Variants in TRIM25 observed in about 807,000 individuals in gnomAD.
TRIM25 encodes tripartite motif containing 25.
In TRIM25, 45 loss-of-function variants were observed where a neutral mutation model predicts 65.2. The observed-to-expected ratio is 0.69, with a 90% CI of 0.54 to 0.89. TRIM25 has a LOEUF of 0.89. TRIM25 is among the 40% of genes least tolerant of loss of function. TRIM25 has a pLI of 0.00. For missense variants in TRIM25, 714 were observed against 803.7 expected, an observed-to-expected ratio of 0.89 and a Z score of 1.35; for synonymous variants, 321 against 340.4, an observed-to-expected ratio of 0.94 and a Z score of 0.63.
chr17:56,894,650 A>G (rs1331570715), intron 8 of TRIM25, among the ~76,000 whole-genome samples: 1 of 152,218 alleles, frequency 6.6e-6, no homozygotes, highest in Non-Finnish European at 1.5e-5. Flanking sequence ...ATTTGGAGAG[A>G]TGTAAACGTG....
chr17:56,910,560 G>C (rs990778652), intron 1 of TRIM25, among the ~76,000 whole-genome samples: 1 of 152,134 alleles, frequency 6.6e-6, no homozygotes, highest in Non-Finnish European at 1.5e-5. Flanking sequence ...ACTACACCCT[G>C]AGCCCTATAT....
In TRIM25 at chr17:56,913,327, CG is replaced by C; in HGVS notation, c.597+64del. The C allele has an allele frequency of 2.1e-6, 3 of 1,434,658 alleles. No individual in the cohort carries two copies. Among genetic ancestry groups the C allele is most frequent in the Non-Finnish European group, 9.3e-7 (1 of 1,073,760 alleles). 88.9% of individuals were successfully genotyped at this position (1,434,658 alleles called of 1,614,324 possible). A position where few individuals can be genotyped will look rare whatever the true frequency, so the allele number is the denominator to read the frequency against. ...GTCCAGAGTGTGGCAGAGAGGCCCC[CG>C]GTGGCCCCTCTGCACCACCCATCAG... On this transcript the variant is annotated intron_variant, in intron 1 of 8. Transcript: ENST00000316881. This position sits in a 1 kb window ranked among gnomAD's most constrained non-coding sequence, Gnocchi z 6.1.
In TRIM25 at chr17:56,914,039, C is replaced by T. The variant is rs1272689728; in HGVS notation, c.-51G>A. ...CTGCTGCACCCGCGCTCCGAGGCCGCCGAGGAAACGAAACCTAGCTCGAGA... is the reference window on the plus strand; with the variant it reads ...CTGCTGCACCCGCGCTCCGAGGCCGTCGAGGAAACGAAACCTAGCTCGAGA... On this transcript the variant is annotated 5_prime_UTR_variant, in exon 1 of 9. Transcript: ENST00000316881. 4 of 1,411,250 alleles carry T rather than the reference C, an allele frequency of 2.8e-6. No individual in the cohort carries two copies. The highest frequency in any genetic ancestry group is 5.1e-5 in the Admixed American group (2 of 39,326). 87.4% of individuals were successfully genotyped at this position (1,411,250 alleles called of 1,614,324 possible).
Position 56,890,996 on chromosome 17 carries a change from G to C in TRIM25, c.*704C>G. On this transcript the variant is annotated 3_prime_UTR_variant, in exon 9 of 9. Transcript: ENST00000316881. The stretch of plus-strand genomic sequence containing the variant: ...ACCCTGAATCACAAATCCAACACAG[G>C]CTGATTCCAATCATGGTTTGAAGCT... 4.6e-6 allele frequency: 2 copies of C among 435,308 alleles called. No homozygotes were observed. Among genetic ancestry groups the C allele is most frequent in the Non-Finnish European group, 9.3e-6 (2 of 214,820 alleles). 27.0% of individuals were successfully genotyped at this position (435,308 alleles called of 1,614,324 possible).
rs1909665681 is a variant in TRIM25, at chr17:56,913,331, G to T, written c.597+61C>A. On this transcript the variant is annotated intron_variant, in intron 1 of 8. Coordinates refer to ENST00000316881, the MANE Select transcript of TRIM25 (RefSeq NM_005082.5). This position sits in a 1 kb window ranked among gnomAD's most constrained non-coding sequence, Gnocchi z 6.1. ...AGAGTGTGGCAGAGAGGCCCCCGGT[G>T]GCCCCTCTGCACCACCCATCAGGCC... The T allele has an allele frequency of 6.9e-7, 1 of 1,439,396 alleles. No homozygotes were observed. Among genetic ancestry groups the T allele is most frequent in the Non-Finnish European group, 9.3e-7 (1 of 1,078,396 alleles). 89.2% of individuals were successfully genotyped at this position (1,439,396 alleles called of 1,614,324 possible).
rs1382169547 is a variant in TRIM25, at chr17:56,888,632, C to G, written c.*3068G>C. The G allele has an allele frequency of 2.0e-5, 3 of 152,148 alleles. No homozygotes were observed. The highest frequency in any genetic ancestry group is 7.2e-5 in the African/African-American group (3 of 41,396). 9.4% of individuals were successfully genotyped at this position (152,148 alleles called of 1,614,324 possible). A position where few individuals can be genotyped will look rare whatever the true frequency, so the allele number is the denominator to read the frequency against. On this transcript the variant is annotated 3_prime_UTR_variant, in exon 9 of 9. Coordinates refer to ENST00000316881, the MANE Select transcript of TRIM25 (RefSeq NM_005082.5). Reference sequence around the variant, plus strand: ...TGTGTGGCTTACTCTTTGATCGATACTCTCCTGCTTTCCCCTAGCCCCCAC... The same window carrying G: ...TGTGTGGCTTACTCTTTGATCGATAGTCTCCTGCTTTCCCCTAGCCCCCAC...
At chr17:56,901,381 G>A (rs369796511) in intron 4 of TRIM25, 38 bp downstream of exon 4, 3 of 1,602,226 alleles carry the variant, frequency 1.9e-6, no homozygotes, top group Admixed American at 3.4e-5. Flanking sequence ...GGGTTGCAGG[G>A]TTCCACAGGG....
rs1412755223 is a variant in TRIM25, at chr17:56,889,507, G to A, written c.*2193C>T. 21 of 365,600 alleles carry A rather than the reference G, an allele frequency of 5.7e-5. No individual in the cohort carries two copies. Among genetic ancestry groups the A allele is most frequent in the Non-Finnish European group, 9.7e-5 (20 of 205,544 alleles). The allele number at this position is 365,600 out of a possible 1,614,324, so 22.6% of individuals were successfully genotyped here. ...CTAGGTTATGTAAGGTCTCACCATTGCAAACAGAATGGTTCAAGACAGCAA... is the reference window on the plus strand; with the variant it reads ...CTAGGTTATGTAAGGTCTCACCATTACAAACAGAATGGTTCAAGACAGCAA... On this transcript the variant is annotated 3_prime_UTR_variant, in exon 9 of 9. Transcript: ENST00000316881.
chr17:56,913,909 G>A lies in TRIM25; in HGVS notation c.80C>T (p.Pro27Leu). ...CGACCCGCAGAAGTTGTGGCCGCAC[G>A]GAGTGGTGACCGGCTCCTTGAAGGG... ...LEPFKEPVTT[P>L]CGHNFCGSCL... The change falls in exon 1 of 9, where the codon CCG becomes CTG. Residue 27 changes from proline to leucine, a missense_variant. Coordinates refer to ENST00000316881, the MANE Select transcript of TRIM25 (RefSeq NM_005082.5). This position sits in a 1 kb window ranked among gnomAD's most constrained non-coding sequence, Gnocchi z 6.1. 6.4e-7 allele frequency: 1 copy of A among 1,573,912 alleles called. No individual in the cohort carries two copies. The highest frequency in any genetic ancestry group is 8.6e-7 in the Non-Finnish European group (1 of 1,160,288).
chr17:56,896,180 A>G (rs58489644), intron 5 of TRIM25, among the ~76,000 whole-genome samples: 28,100 of 152,114 alleles, frequency 0.18, 3,086 homozygotes, highest in African/African-American at 0.31. Context: ...AATTTTCTGG[A>G]GAAAGGGAAA....
chr17:56,896,751 C>T (rs2144351543), intron 5 of TRIM25, among the ~76,000 whole-genome samples: 1 of 152,038 alleles, frequency 6.6e-6, no homozygotes, highest in East Asian at 1.9e-4. Context: ...CTAAAATAGT[C>T]GTTCTCAAAG....
rs138059750 is a variant in TRIM25 at position 56,909,645 on chromosome 17, A to C, written c.598-1082T>G. Among the ~76,000 whole-genome samples the C allele has an allele frequency of 6.1e-3, 913 of 149,054 alleles. 37 individuals are homozygous for C. In the East Asian group the frequency reaches 0.069, roughly 11 times the overall value. ...GCCTGCAGTGAGCTGAGATGGCATC[A>C]CTGCACTCCAGCCTGGGTGACAAAG... On this transcript the variant is annotated intron_variant, in intron 1 of 8. Coordinates refer to ENST00000316881, the MANE Select transcript of TRIM25 (RefSeq NM_005082.5).
At chr17:56,898,542 T>C (rs1909345731) in intron 5 of TRIM25, among the ~76,000 whole-genome samples, 1 of 152,106 alleles carries the variant, frequency 6.6e-6, no homozygotes, top group Admixed American at 6.5e-5. Flanking sequence ...AAATGGATCC[T>C]TGGGGGAGGG....
In TRIM25 at chr17:56,891,667, T is replaced by C. The variant is rs771862676; in HGVS notation, c.*33A>G. The C allele has an allele frequency of 6.3e-7, 1 of 1,591,906 alleles. No homozygotes were observed. The highest frequency in any genetic ancestry group is 8.6e-7 in the Non-Finnish European group (1 of 1,168,132). On this transcript the variant is annotated 3_prime_UTR_variant, in exon 9 of 9. Coordinates refer to ENST00000316881, the MANE Select transcript of TRIM25 (RefSeq NM_005082.5). ...ATTTTCACTAGGGTCTTGGGACTTC[T>C]GCAGGCAGTCAGCCCAAGTGCCTAC...
intron 8 of TRIM25, among the ~76,000 whole-genome samples, chr17:56,893,293 G>T (rs1024060601): frequency 6.6e-6 from 1 of 150,542 alleles, no homozygotes; most frequent in Non-Finnish European, 1.5e-5. Flanking sequence ...AAGGCAAAAT[G>T]AATAAGCTGG....
At chr17:56,899,211 C>G in intron 4 of TRIM25, 31 bp from the exon 5 acceptor site, 1 of 1,612,242 alleles carries the variant, frequency 6.2e-7, no homozygotes, top group Non-Finnish European at 8.5e-7. Flanking sequence ...TCAGTGTGTG[C>G]GGCTCCTCTC....
At chr17:56,900,536 G>A (rs1334755437) in intron 4 of TRIM25, among the ~76,000 whole-genome samples, 1 of 152,238 alleles carries the variant, frequency 6.6e-6, no homozygotes, top group Non-Finnish European at 1.5e-5. Flanking sequence ...AGGAGTGGGA[G>A]CAGTGGCAGG....
intron 8 of TRIM25, 126 bp downstream of exon 8, chr17:56,895,217 A>G: frequency 1.5e-6 from 1 of 681,212 alleles, no homozygotes; most frequent in Non-Finnish European, 2.5e-6. Flanking sequence ...AGGGAGCAAC[A>G]AAGTAGAGGA....
intron 1 of TRIM25, among the ~76,000 whole-genome samples, chr17:56,910,721 T>A (rs1025961340): frequency 2.0e-5 from 3 of 152,174 alleles, no homozygotes; most frequent in African/African-American, 7.2e-5. Flanking sequence ...CTTTTTGAAA[T>A]CCTGAGGATC....
Sources: allele counts gnomAD v4.1 joint callset (sites outside exome capture counted in the v4.1 genomes callset), GRCh38; gene constraint gnomAD v4.1.1; non-coding constraint Gnocchi (gnomAD v3.1); transcripts MANE v1.5; gene names NCBI Gene and HGNC (gene_info 2026-07-23, HGNC 2026-07-21).